The following WWTR1 variants were observed in gnomAD, a reference collection of about 807,000 sequenced individuals.
WWTR1 encodes WW domain containing transcription regulator 1.
Under a neutral mutation model 40.1 loss-of-function variants are expected in WWTR1, and 13 were observed. The ratio of observed to expected loss-of-function variants is 0.32; its 90% CI spans 0.21 to 0.52. WWTR1 has a LOEUF of 0.52. Ranked by LOEUF, WWTR1 falls within the 20% of genes least tolerant of loss-of-function variation. The pLI, the probability that WWTR1 is intolerant of heterozygous loss-of-function variation, is 0.97. For missense variants in WWTR1, 436 were observed against 523.1 expected, an observed-to-expected ratio of 0.83 and a Z score of 1.63; for synonymous variants, 230 against 210.1, an observed-to-expected ratio of 1.09 and a Z score of -0.82.
Position 149,597,254 on chromosome 3 carries a change from C to T in WWTR1, c.432-24254G>A, listed in dbSNP as rs1000043353. On this transcript the variant is annotated intron_variant, in intron 2 of 6. Coordinates refer to ENST00000360632, the MANE Select transcript of WWTR1 (RefSeq NM_015472.6). ...TGCTGACAACAATGACTTTACTATT[C>T]CATGCTCATACTCTTCCTAAAATTC... Among the ~76,000 whole-genome samples the T allele has an allele frequency of 9.2e-5, 14 of 151,912 alleles. No individual in the cohort carries two copies. In the East Asian group the frequency reaches 1.2e-3, roughly 13 times the overall value.
chr3:149,540,883 C>G, intron 4 of WWTR1: 1 of 328,122 alleles, frequency 3.0e-6, no homozygotes. Flanking sequence ...ATTTACCATG[C>G]ATTTTAAACC....
rs546780202 is a variant in WWTR1, at chr3:149,518,452, T to TTTTA, written c.*2349_*2352dup. 1.5e-3 allele frequency: 233 copies of TTTTA among 152,228 alleles called. No individual in the cohort carries two copies. Among genetic ancestry groups the TTTTA allele is most frequent in the African/African-American group, 5.3e-3 (220 of 41,570 alleles). The allele number at this position is 152,228 out of a possible 1,614,324, so 9.4% of individuals were successfully genotyped here. Reference sequence around the variant, plus strand: ...TGTTAGGTCCCTTGTTTTTTTAATTTTTTATTTATTTATTTATTTTTAGCA... The same window carrying TTTTA: ...TGTTAGGTCCCTTGTTTTTTTAATTTTTTATTTATTTATTTATTTATTTTTAGCA... On this transcript the variant is annotated 3_prime_UTR_variant, in exon 7 of 7. Coordinates refer to ENST00000360632, the MANE Select transcript of WWTR1 (RefSeq NM_015472.6).
chr3:149,556,741 G>C (rs1182037833), intron 3 of WWTR1, among the ~76,000 whole-genome samples: 1 of 152,114 alleles, frequency 6.6e-6, no homozygotes, highest in African/African-American at 2.4e-5. Flanking sequence ...AACCAAAGCA[G>C]CTCTGCTTTT....
At chr3:149,632,386 G>C (rs9861157) in intron 2 of WWTR1, among the ~76,000 whole-genome samples, 82,583 of 151,930 alleles carry the variant, frequency 0.54, 23,122 homozygotes, top group Middle Eastern at 0.72. Context: ...CTGAAGTTAT[G>C]TAAGCTCATT....
intron 4 of WWTR1, chr3:149,724,072 A>G (rs764049295): frequency 3.3e-5 from 5 of 152,216 alleles, no homozygotes; most frequent in Non-Finnish European, 7.3e-5. Context: ...CAGTTCCAAA[A>G]TACTTACATT....
chr3:149,532,346 G>A (rs575576982), intron 4 of WWTR1, among the ~76,000 whole-genome samples: 27 of 152,284 alleles, frequency 1.8e-4, no homozygotes, highest in African/African-American at 6.5e-4. Context: ...AGTGGTGAGA[G>A]GTTTCTTCCT....
At chr3:149,612,312 TG>T (rs78679341) in intron 2 of WWTR1, among the ~76,000 whole-genome samples, 3,678 of 152,058 alleles carry the variant, frequency 0.024, 211 homozygotes, top group East Asian at 0.22. Flanking sequence ...CACATAATTT[TG>T]TTACAATGGG....
rs1009282329 is a variant in WWTR1 at position 149,675,751 on chromosome 3, C to CTGTT, written c.-107-5864_-107-5861dup. ...TTTTTTTTTGAGATGGAGTCTTGCT[C>CTGTT]TGTTGCCCAGGCTGGAGTGCAGTGG... On this transcript the variant is annotated intron_variant, in intron 1 of 7. Transcript: ENST00000465804. Among the ~76,000 whole-genome samples, 5 of 151,872 alleles carry CTGTT rather than the reference C, an allele frequency of 3.3e-5. 1 individual carries two copies. The highest frequency in any genetic ancestry group is 6.8e-3 in the Middle Eastern group (2 of 294).
chr3:149,694,983 A>AAAGAAT (rs1714939241), intron 1 of WWTR1, among the ~76,000 whole-genome samples: 2 of 152,252 alleles, frequency 1.3e-5, no homozygotes, highest in Non-Finnish European at 2.9e-5. Flanking sequence ...TCAGCCATAA[A>AAAGAAT]AAGAATAAGA....
At chr3:149,614,839 C>T (rs1475814794) in intron 2 of WWTR1, among the ~76,000 whole-genome samples, 9 of 152,004 alleles carry the variant, frequency 5.9e-5, no homozygotes, top group African/African-American at 1.2e-4. Flanking sequence ...AAAAATTAGC[C>T]GGGTATGGTG....
intron 6 of WWTR1, 119 bp from the exon 7 acceptor site, chr3:149,521,108 T>C: frequency 8.3e-7 from 1 of 1,202,452 alleles, no homozygotes; most frequent in South Asian, 1.7e-5. Context: ...TTATTGACCC[T>C]TACTCATAAG....
intron 2 of WWTR1, among the ~76,000 whole-genome samples, chr3:149,631,656 G>C (rs74854770): frequency 0.03 from 4,504 of 152,176 alleles, 234 homozygotes; most frequent in African/African-American, 0.1. Context: ...CACTCCCGCT[G>C]TATCTTCTCA....
chr3:149,652,506 G>A (rs79387447), intron 2 of WWTR1, among the ~76,000 whole-genome samples: 1,660 of 149,982 alleles, frequency 0.011, 11 homozygotes, highest in Middle Eastern at 0.027. Flanking sequence ...ACCTATAGTC[G>A]TAGTTACTCA....
intron 2 of WWTR1, among the ~76,000 whole-genome samples, chr3:149,616,004 C>A (rs1396326017): frequency 6.6e-6 from 1 of 152,186 alleles, no homozygotes; most frequent in Non-Finnish European, 1.5e-5. Flanking sequence ...TGGAGGCCAT[C>A]CTGACTGAAA....
At chr3:149,567,478 C>T (rs1737389761) in intron 3 of WWTR1, among the ~76,000 whole-genome samples, 1 of 152,150 alleles carries the variant, frequency 6.6e-6, no homozygotes, top group African/African-American at 2.4e-5. Context: ...TTTGGTACCA[C>T]ACCAGCTAGT....
chr3:149,581,346 TA>T (rs373655086), intron 2 of WWTR1, among the ~76,000 whole-genome samples: 10,028 of 141,120 alleles, frequency 0.071, 397 homozygotes, highest in Middle Eastern at 0.11. Context: ...CCAAAGCTAT[TA>T]AAAAAAAAAA....
chr3:149,598,653 AT>A lies in WWTR1; in HGVS notation c.432-25654del, dbSNP rs139354144. Among the ~76,000 whole-genome samples the A allele has an allele frequency of 9.9e-3, 1,485 of 149,900 alleles. 5 individuals carry two copies. Among genetic ancestry groups the A allele is most frequent in the Non-Finnish European group, 0.015 (1,030 of 67,414 alleles). On this transcript the variant is annotated intron_variant, in intron 2 of 6. Coordinates refer to ENST00000360632, the MANE Select transcript of WWTR1 (RefSeq NM_015472.6). ...CATATTGTGGAAAATGCTGTATTCCATTTTTTTTTCATTTAACATCATAACA... is the reference window on the plus strand; with the variant it reads ...CATATTGTGGAAAATGCTGTATTCCATTTTTTTTCATTTAACATCATAACA...
intron 1 of WWTR1, chr3:149,702,093 C>T (rs1715197748): frequency 6.2e-6 from 1 of 162,354 alleles, no homozygotes. Context: ...CCCAGGCAAG[C>T]AGCACCTTCA....
chr3:149,617,611 C>T (rs992703393), intron 2 of WWTR1, among the ~76,000 whole-genome samples: 1 of 152,178 alleles, frequency 6.6e-6, no homozygotes, highest in Non-Finnish European at 1.5e-5. Context: ...ACCAGTCTGG[C>T]CAACATGGTG....
Sources: allele counts gnomAD v4.1 joint callset (sites outside exome capture counted in the v4.1 genomes callset), GRCh38; gene constraint gnomAD v4.1.1; transcripts MANE v1.5; gene names NCBI Gene and HGNC (gene_info 2026-07-23, HGNC 2026-07-21).